The following COL9A1 variants were observed in gnomAD, a reference collection of about 807,000 sequenced individuals.
COL9A1 encodes collagen type IX alpha 1 chain.
COL9A1 carries 104 observed loss-of-function variants against 142.6 expected under a neutral mutation model. The observed-to-expected ratio is 0.73, with a 90% CI of 0.62 to 0.86. The LOEUF (loss-of-function observed/expected upper bound fraction) is 0.86, where lower values mean the gene tolerates loss of function less well. Ranked by LOEUF, COL9A1 falls within the 40% of genes least tolerant of loss-of-function variation. The pLI, the probability that COL9A1 is intolerant of heterozygous loss-of-function variation, is 0.00. For synonymous variants in COL9A1, 466 were observed against 396.0 expected (o/e 1.18, Z -2.10); for missense variants, 1,210 against 1,176.6 (o/e 1.03, Z -0.42).
chr6:70,297,555 G>A lies in COL9A1; in HGVS notation c.299+2488C>T, dbSNP rs942284479. On this transcript the variant is annotated intron_variant, in intron 4 of 37. Coordinates refer to ENST00000357250, the MANE Select transcript of COL9A1 (RefSeq NM_001851.6). The stretch of plus-strand genomic sequence containing the variant: ...TCCATTGTCTTTTCTTGGAATACCC[G>A]AAATTCGGTTCTTGCAAATATGCTA... Among the ~76,000 whole-genome samples, 5 of 152,036 alleles carry A rather than the reference G, an allele frequency of 3.3e-5. No homozygotes were observed. In the South Asian group the frequency reaches 6.2e-4, roughly 19 times the overall value.
At chr6:70,250,994 A>G (rs1191106078) in intron 28 of COL9A1, among the ~76,000 whole-genome samples, 1 of 152,188 alleles carries the variant, frequency 6.6e-6, no homozygotes, top group African/African-American at 2.4e-5. Context: ...GCACTCAAGA[A>G]AAATTAAAAC....
chr6:70,245,727 G>A (rs1049450633), intron 28 of COL9A1: 1 of 152,264 alleles, frequency 6.6e-6, no homozygotes, highest in African/African-American at 2.4e-5. Flanking sequence ...GGCCGAGGTG[G>A]GTGGATCACT....
chr6:70,233,553 G>A (rs1398193122), intron 35 of COL9A1, among the ~76,000 whole-genome samples: 1 of 152,108 alleles, frequency 6.6e-6, no homozygotes, highest in East Asian at 1.9e-4. Context: ...GGGTAAAGGA[G>A]AATATGAAAT....
At chr6:70,246,285 G>A (rs565995850) in intron 28 of COL9A1, 1 of 152,206 alleles carries the variant, frequency 6.6e-6, no homozygotes, top group East Asian at 1.9e-4. Flanking sequence ...TCTTGAAACT[G>A]GGAGATGGAG....
At chr6:70,235,999 GC>G (rs1386136632) in intron 33 of COL9A1, among the ~76,000 whole-genome samples, 2 of 150,758 alleles carry the variant, frequency 1.3e-5, no homozygotes, top group African/African-American at 4.9e-5. Context: ...TGTAGTCCCA[GC>G]TACTCAGGAG....
chr6:70,222,580 A>G (rs1296084669), intron 37 of COL9A1, among the ~76,000 whole-genome samples: 1 of 152,220 alleles, frequency 6.6e-6, no homozygotes, highest in Non-Finnish European at 1.5e-5. Context: ...GTAATACTTA[A>G]CACTGAACAA....
intron 13 of COL9A1, 120 bp from the exon 14 acceptor site, chr6:70,271,828 A>T: frequency 9.3e-7 from 1 of 1,080,578 alleles, no homozygotes; most frequent in African/African-American, 1.6e-5. Flanking sequence ...GTTTCCAATG[A>T]CACAATAACT....
At chr6:70,232,994 T>C (rs1013591939) in intron 35 of COL9A1, among the ~76,000 whole-genome samples, 14 of 152,176 alleles carry the variant, frequency 9.2e-5, no homozygotes, top group African/African-American at 3.4e-4. Context: ...TTTGGTCCTG[T>C]TGTTCTGAGA....
At chr6:70,223,143 T>C (rs1392840517) in intron 37 of COL9A1, among the ~76,000 whole-genome samples, 1 of 152,144 alleles carries the variant, frequency 6.6e-6, no homozygotes, top group Non-Finnish European at 1.5e-5. Flanking sequence ...GAGTAATATA[T>C]TACTGCTGAT....
At chr6:70,273,765 T>G (rs961967968) in intron 12 of COL9A1, among the ~76,000 whole-genome samples, 4 of 152,120 alleles carry the variant, frequency 2.6e-5, no homozygotes, top group Non-Finnish European at 5.9e-5. Flanking sequence ...AAAGAGGGAA[T>G]TGTCTGCTGG....
rs1210875562 is a variant in COL9A1, at chr6:70,269,569, C to T, written c.1230+64G>A. On this transcript the variant is annotated intron_variant, in intron 16 of 37. Transcript: ENST00000357250. ...TTCCAGGGAAATCTTTTAAAGAAAA[C>T]TCATCTGCAGGCTATATGGTCTTTG... is the stretch of plus-strand genomic sequence containing the variant. The T allele has an allele frequency of 4.5e-6, 5 of 1,105,944 alleles. No homozygotes were observed. The African/African-American group carries it at 7.7e-5, about 17-fold the overall frequency. 68.5% of individuals were successfully genotyped at this position (1,105,944 alleles called of 1,614,324 possible). A position where few individuals can be genotyped will look rare whatever the true frequency, so the allele number is the denominator to read the frequency against.
chr6:70,270,897 G>T (rs184321833), intron 14 of COL9A1, among the ~76,000 whole-genome samples: 3 of 152,128 alleles, frequency 2.0e-5, no homozygotes, highest in Admixed American at 6.5e-5. Context: ...AAGCTACATC[G>T]AAGTAAACCG....
intron 4 of COL9A1, among the ~76,000 whole-genome samples, chr6:70,298,012 T>C (rs1012542129): frequency 2.6e-5 from 4 of 152,336 alleles, no homozygotes; most frequent in African/African-American, 7.2e-5. Context: ...TCAGAGCCTA[T>C]GTTCTGTAGC....
intron 19 of COL9A1, 83 bp downstream of exon 19, chr6:70,263,161 G>A (rs1771800087): frequency 1.0e-5 from 12 of 1,162,670 alleles, no homozygotes; most frequent in Non-Finnish European, 1.2e-5. Flanking sequence ...TCATCCAACT[G>A]CTAAATAGAA....
intron 33 of COL9A1, among the ~76,000 whole-genome samples, chr6:70,238,144 T>A (rs56029788): frequency 9.4e-4 from 143 of 152,292 alleles, no homozygotes; most frequent in East Asian, 4.8e-3. Context: ...TTTATTTTTT[T>A]AAAAAATCTA....
chr6:70,249,041 A>G (rs950613563), intron 28 of COL9A1, among the ~76,000 whole-genome samples: 7 of 152,060 alleles, frequency 4.6e-5, no homozygotes, highest in African/African-American at 7.2e-5. Flanking sequence ...AGGTACGGAG[A>G]GTATTTGAGA....
chr6:70,259,683 A>G (rs1359443642), intron 20 of COL9A1, among the ~76,000 whole-genome samples: 2 of 151,974 alleles, frequency 1.3e-5, no homozygotes, highest in Non-Finnish European at 2.9e-5. Flanking sequence ...GCTCCACTCC[A>G]TCATACCACT....
chr6:70,233,876 G>T (rs568393069), intron 35 of COL9A1, among the ~76,000 whole-genome samples: 2 of 152,270 alleles, frequency 1.3e-5, no homozygotes, highest in African/African-American at 4.8e-5. Context: ...CTAGCTATGG[G>T]CTTCAGTGTT....
chr6:70,282,765 G>C (rs965597603), intron 7 of COL9A1, 133 bp downstream of exon 7: 6 of 1,369,918 alleles, frequency 4.4e-6, no homozygotes, highest in Admixed American at 3.8e-5. Flanking sequence ...GCAGGTGCTC[G>C]AGGCTGGAGG....
Sources: allele counts gnomAD v4.1 joint callset (sites outside exome capture counted in the v4.1 genomes callset), GRCh38; gene constraint gnomAD v4.1.1; transcripts MANE v1.5; gene names NCBI Gene and HGNC (gene_info 2026-07-23, HGNC 2026-07-21).